The following DEF8 variants were observed in gnomAD, a reference collection of about 807,000 sequenced individuals.
DEF8 encodes the protein DEF-8.
A neutral mutation model predicts 59.1 loss-of-function variants in DEF8; 38 were observed. That is an observed-to-expected ratio of 0.64 (90% CI 0.50 to 0.84). DEF8 has a LOEUF of 0.84. Ranked by LOEUF, DEF8 falls within the 40% of genes least tolerant of loss-of-function variation. The probability of loss-of-function intolerance (pLI) is 0.00; values close to 1 mark genes in which losing one functional copy is unlikely to be tolerated. For missense variants in DEF8, 557 were observed against 615.2 expected (o/e 0.91, Z 1.00); for synonymous variants, 265 against 250.1 (o/e 1.06, Z -0.56).
chr16:89,956,190 G>T (rs1370055625), intron 4 of DEF8, among the ~76,000 whole-genome samples: 1 of 151,892 alleles, frequency 6.6e-6, no homozygotes, highest in Non-Finnish European at 1.5e-5. Context: ...AGACGTGGTG[G>T]CTCACGCCTG....
At chr16:89,958,017 C>T (rs1432102166) in intron 5 of DEF8, 1 of 178,592 alleles carries the variant, frequency 5.6e-6, no homozygotes. Flanking sequence ...GGCAGGCCTT[C>T]CCTGTGCGGT....
rs1232535204 is a variant in DEF8 at position 89,948,805 on chromosome 16, C to T, written c.-117C>T. 1 of 975,042 alleles carries T rather than the reference C, an allele frequency of 1.0e-6. No individual in the cohort carries two copies. The allele number at this position is 975,042 out of a possible 1,614,324, so 60.4% of individuals were successfully genotyped here. A position where few individuals can be genotyped will look rare whatever the true frequency, so the allele number is the denominator to read the frequency against. On this transcript the variant is annotated 5_prime_UTR_variant, in exon 1 of 13. Coordinates refer to ENST00000563594, the MANE Select transcript of DEF8 (RefSeq NM_001242818.2). ...GCGCAGCCGGGAGACAGATGCGAGGCGGCGGTCAGGTGAGCGGCGCGGGGC... is the reference window on the plus strand; with the variant it reads ...GCGCAGCCGGGAGACAGATGCGAGGTGGCGGTCAGGTGAGCGGCGCGGGGC...
At chr16:89,961,624 T>C in intron 7 of DEF8, 113 bp from the exon 8 acceptor site, 1 of 1,359,610 alleles carries the variant, frequency 7.4e-7, no homozygotes, top group Non-Finnish European at 1.0e-6. Context: ...GGATAGGACA[T>C]GTTCCCATGT....
chr16:89,957,470 C>T (rs1395663114), intron 4 of DEF8, 41 bp from the exon 5 acceptor site: 1 of 1,546,488 alleles, frequency 6.5e-7, no homozygotes, highest in Non-Finnish European at 8.7e-7. Context: ...GGAGCTCCTG[C>T]AGGATGGGCC....
intron 12 of DEF8, among the ~76,000 whole-genome samples, chr16:89,965,209 GA>G (rs1315122684): frequency 6.6e-6 from 1 of 152,114 alleles, no homozygotes; most frequent in Non-Finnish European, 1.5e-5. Context: ...CAGTAAGTAT[GA>G]TTACTTACTA....
At chr16:89,965,409 C>T (rs758057424) in intron 12 of DEF8, among the ~76,000 whole-genome samples, 4 of 152,216 alleles carry the variant, frequency 2.6e-5, no homozygotes, top group Non-Finnish European at 5.9e-5. Flanking sequence ...AAGGTTGAGA[C>T]TGAACTCGCT....
chr16:89,965,696 G>A (rs749520737), intron 12 of DEF8, among the ~76,000 whole-genome samples, 165 bp from the exon 13 acceptor site: 14 of 152,136 alleles, frequency 9.2e-5, no homozygotes, highest in Non-Finnish European at 1.3e-4. Context: ...ACGCCCGTAA[G>A]CGCTCTGCAC....
At chr16:89,949,315 T>G (rs2031497531) in intron 1 of DEF8, 102 bp from the exon 2 acceptor site, 1 of 907,184 alleles carries the variant, frequency 1.1e-6, no homozygotes, top group East Asian at 2.8e-5. Context: ...GTGGAACGGG[T>G]GGGTGGGAGA....
intron 4 of DEF8, among the ~76,000 whole-genome samples, chr16:89,956,032 CA>C (rs1182615426): frequency 6.6e-6 from 1 of 152,004 alleles, no homozygotes; most frequent in African/African-American, 2.4e-5. Context: ...GAGACTGCGC[CA>C]CTGCACTCCA....
rs2151215965 is a variant in DEF8, at chr16:89,963,676, C to T, written c.1002+233C>T. On this transcript the variant is annotated intron_variant, in intron 10 of 12. Transcript: ENST00000563594. ...TATGTGAATCTCCATGGGGTGGGTC[C>T]AGCCCAGCCCTCGTCAGGCAGGTTG... 5 of 564,172 alleles carry T rather than the reference C, an allele frequency of 8.9e-6. No homozygotes were observed. In the South Asian group the frequency reaches 1.1e-4, roughly 12 times the overall value. The allele number at this position is 564,172 out of a possible 1,614,324, so 34.9% of individuals were successfully genotyped here.
intron 4 of DEF8, among the ~76,000 whole-genome samples, chr16:89,955,838 T>C (rs1043114005): frequency 1.9e-3 from 286 of 151,400 alleles, no homozygotes; most frequent in Non-Finnish European, 2.1e-3. Context: ...TTTGGGAGGC[T>C]GAGGCGGGCG....
Position 89,954,274 on chromosome 16 carries a change from G to A in DEF8, c.22G>A (p.Ala8Thr). 2 of 1,613,168 alleles carry A rather than the reference G, an allele frequency of 1.2e-6. No homozygotes were observed. The highest frequency in any genetic ancestry group is 1.7e-6 in the Non-Finnish European group (2 of 1,179,968). Reference protein sequence around the residue: MEYDEKLARFRQAHLNPF... With the variant: MEYDEKLTRFRQAHLNPF... ...TGCTATGGAATATGATGAGAAGCTG[G>A]CCCGTTTCCGGCAGGCCCACCTCAA... Residue 8 changes from alanine (A) to threonine (T), a missense_variant, in exon 3 of 13, where the codon GCC (alanine) becomes ACC (threonine). Ala to Thr is a moderately conservative substitution (Grantham distance 58, BLOSUM62 0). Transcript: ENST00000563594. The surrounding 1 kb of genome is among the most constrained non-coding windows in gnomAD (Gnocchi z 4.3).
At chr16:89,950,390 ATTTTT>A in intron 2 of DEF8, 1 of 843,694 alleles carries the variant, frequency 1.2e-6, no homozygotes, top group Non-Finnish European at 1.4e-6. Flanking sequence ...ATCAGGGCTG[ATTTTT>A]TTTTTTTTTT....
chr16:89,960,119 A>G (rs2033828556), intron 6 of DEF8, among the ~76,000 whole-genome samples: 1 of 151,798 alleles, frequency 6.6e-6, no homozygotes, highest in South Asian at 2.1e-4. Context: ...TTTCTGGGGG[A>G]GGTGGGCTCA....
intron 9 of DEF8, 140 bp downstream of exon 9, chr16:89,962,265 C>T (rs996862443): frequency 8.6e-5 from 62 of 719,236 alleles, no homozygotes; most frequent in Middle Eastern, 2.5e-4. Flanking sequence ...GTGAGCCAGG[C>T]GCCGCGGCTG....
At position 89,951,837 on chromosome 16, in the gene DEF8, CAT is replaced by C. The variant is rs975083555; in HGVS notation, c.-11+2331_-11+2332del. On this transcript the variant is annotated intron_variant, in intron 2 of 12. Coordinates refer to ENST00000563594, the MANE Select transcript of DEF8 (RefSeq NM_001242818.2). ...TCATATGTATGTATACACACACACA[CAT>C]ATATATGTATATACACACACATACA... Among the ~76,000 whole-genome samples, 174 of 152,060 alleles carry C rather than the reference CAT, an allele frequency of 1.1e-3. 2 individuals carry two copies. The highest frequency in any genetic ancestry group is 3.9e-3 in the African/African-American group (161 of 41,474).
At chr16:89,957,415 G>C in intron 4 of DEF8, 96 bp from the exon 5 acceptor site, 1 of 1,342,206 alleles carries the variant, frequency 7.5e-7, no homozygotes, top group South Asian at 1.4e-5. Context: ...GGTGAGGGGT[G>C]TCGGGGTCTG....
At position 89,966,218 on chromosome 16, in the gene DEF8, T is replaced by C; in HGVS notation, c.*255T>C. 1 of 398,782 alleles carries C rather than the reference T, an allele frequency of 2.5e-6. No individual in the cohort carries two copies. The highest frequency in any genetic ancestry group is 5.2e-5 in the East Asian group (1 of 19,114). The allele number at this position is 398,782 out of a possible 1,614,324, so 24.7% of individuals were successfully genotyped here. Reference sequence around the variant, plus strand: ...TGCGTGGCCCCCATCCTTCCCCCAATGCAGAACTCCATGGGCAGGGAGCTG... The same window carrying C: ...TGCGTGGCCCCCATCCTTCCCCCAACGCAGAACTCCATGGGCAGGGAGCTG... On this transcript the variant is annotated 3_prime_UTR_variant, in exon 13 of 13. Transcript: ENST00000563594.
Position 89,961,014 on chromosome 16 carries a change from T to G in DEF8, c.598T>G (p.Tyr200Asp). 2 of 1,614,148 alleles carry G rather than the reference T, an allele frequency of 1.2e-6. No individual in the cohort carries two copies. The part of the protein sequence containing the change: ...VSSKVSHQAE[Y>D]ELNICPETGL... Reference sequence around the variant, plus strand: ...CTCCAAAGTCAGCCACCAAGCTGAATACGAACTGAACATCTGCCCTGAGAC... The same window carrying G: ...CTCCAAAGTCAGCCACCAAGCTGAAGACGAACTGAACATCTGCCCTGAGAC... Residue 200 changes from tyrosine to aspartate, a missense_variant, in exon 7 of 13, where the codon TAC becomes GAC. Transcript: ENST00000563594.
Sources: allele counts gnomAD v4.1 joint callset (sites outside exome capture counted in the v4.1 genomes callset), GRCh38; gene constraint gnomAD v4.1.1; non-coding constraint Gnocchi (gnomAD v3.1); transcripts MANE v1.5; gene names NCBI Gene and HGNC (gene_info 2026-07-23, HGNC 2026-07-21).